Variants in CCBE1 observed in about 807,000 individuals in gnomAD.
The protein encoded by CCBE1 is collagen and calcium-binding EGF domain-containing protein 1.
A neutral mutation model predicts 50.0 loss-of-function variants in CCBE1; 37 were observed. That is an observed-to-expected ratio of 0.74 (90% CI 0.57 to 0.97). The LOEUF (loss-of-function observed/expected upper bound fraction) is 0.97. Among genes scored for constraint, CCBE1 ranks in the 50% least tolerant of loss-of-function variants. CCBE1 has a pLI of 0.00. For synonymous variants in CCBE1, 234 were observed against 203.7 expected (o/e 1.15, Z -1.27); for missense variants, 538 against 523.8 (o/e 1.03, Z -0.26).
intron 7 of CCBE1, among the ~76,000 whole-genome samples, chr18:59,440,566 C>A (rs996609386): frequency 6.6e-6 from 1 of 152,098 alleles, no homozygotes; most frequent in African/African-American, 2.4e-5. Context: ...ATGTAACCCA[C>A]CTACTTTCAA....
chr18:59,634,199 C>T (rs2053888499), intron 2 of CCBE1, among the ~76,000 whole-genome samples: 1 of 152,182 alleles, frequency 6.6e-6, no homozygotes, highest in African/African-American at 2.4e-5. Context: ...CTTAATGAAA[C>T]AATGGCTTTA....
At chr18:59,558,185 A>C (rs573588669) in intron 2 of CCBE1, among the ~76,000 whole-genome samples, 1 of 152,210 alleles carries the variant, frequency 6.6e-6, no homozygotes, top group Non-Finnish European at 1.5e-5. Context: ...AGGGAACATA[A>C]TTTTACACAG....
At chr18:59,577,636 T>A (rs1461762015) in intron 2 of CCBE1, among the ~76,000 whole-genome samples, 1 of 152,218 alleles carries the variant, frequency 6.6e-6, no homozygotes, top group Non-Finnish European at 1.5e-5. Flanking sequence ...GACAAACCGA[T>A]GCCTGTACAT....
intron 2 of CCBE1, among the ~76,000 whole-genome samples, chr18:59,636,199 T>C (rs987659112): frequency 2.0e-5 from 3 of 151,570 alleles, no homozygotes; most frequent in African/African-American, 7.3e-5. Flanking sequence ...ATAAGGCATA[T>C]CTAAAATACA....
At chr18:59,507,569 C>A (rs1308540420) in intron 2 of CCBE1, among the ~76,000 whole-genome samples, 1 of 152,208 alleles carries the variant, frequency 6.6e-6, no homozygotes, top group East Asian at 1.9e-4. Context: ...CTTGTCCAAC[C>A]CACTTCCAGA....
At chr18:59,454,748 T>C in intron 6 of CCBE1, 103 bp downstream of exon 6, 4 of 1,023,328 alleles carry the variant, frequency 3.9e-6, no homozygotes, top group Non-Finnish European at 6.1e-6. Flanking sequence ...ACTGCGTGAA[T>C]GCTCAATGTG....
At chr18:59,511,462 G>A (rs1429322025) in intron 2 of CCBE1, among the ~76,000 whole-genome samples, 1 of 152,210 alleles carries the variant, frequency 6.6e-6, no homozygotes, top group Non-Finnish European at 1.5e-5. Flanking sequence ...CAGTTGGGCT[G>A]AGCCAATCAA....
chr18:59,634,279 GGGCCTTAGCTGTAGACAGAGAAAA>G (rs2053889474), intron 2 of CCBE1, among the ~76,000 whole-genome samples: 1 of 152,198 alleles, frequency 6.6e-6, no homozygotes, highest in Non-Finnish European at 1.5e-5. Flanking sequence ...TTACTCATTT[GGGCCTTAGCTGTAGACAGAGAAAA>G]GGCCTCCCCC....
intron 6 of CCBE1, 23 bp from the exon 7 acceptor site, chr18:59,448,126 C>CAGT (rs754375771): frequency 6.8e-6 from 11 of 1,613,212 alleles, no homozygotes; most frequent in Non-Finnish European, 9.3e-6. Flanking sequence ...GAGGAAGCCT[C>CAGT]AGTCAGGAAG....
At chr18:59,509,311 C>T (rs981410420) in intron 2 of CCBE1, among the ~76,000 whole-genome samples, 1 of 151,924 alleles carries the variant, frequency 6.6e-6, no homozygotes, top group Non-Finnish European at 1.5e-5. Context: ...GAATAAAAAT[C>T]ATATATATAC....
chr18:59,537,822 A>T (rs1915312531), intron 2 of CCBE1, among the ~76,000 whole-genome samples: 1 of 152,172 alleles, frequency 6.6e-6, no homozygotes, highest in African/African-American at 2.4e-5. Context: ...AATCTGGTTC[A>T]CAGCTCCGTC....
chr18:59,449,231 G>T (rs945150163), intron 6 of CCBE1, among the ~76,000 whole-genome samples: 1 of 152,174 alleles, frequency 6.6e-6, no homozygotes, highest in African/African-American at 2.4e-5. Flanking sequence ...AAATGGGGAT[G>T]GTAACGGCCA....
intron 5 of CCBE1, among the ~76,000 whole-genome samples, chr18:59,460,008 T>C (rs555715037): frequency 1.3e-3 from 204 of 152,220 alleles, no homozygotes; most frequent in African/African-American, 4.7e-3. Context: ...AAACAAAAGT[T>C]GAAAAATAAA....
intron 2 of CCBE1, among the ~76,000 whole-genome samples, chr18:59,640,711 A>T (rs924539942): frequency 2.0e-5 from 3 of 152,206 alleles, no homozygotes; most frequent in Non-Finnish European, 4.4e-5. Context: ...AACTTACAAC[A>T]TGGGAGAAAA....
At chr18:59,534,472 C>T (rs12962420) in intron 2 of CCBE1, among the ~76,000 whole-genome samples, 3,478 of 152,338 alleles carry the variant, frequency 0.023, 90 homozygotes, top group East Asian at 0.11. Context: ...ACATAACAAC[C>T]TGCATCTGAA....
Position 59,650,245 on chromosome 18 carries a change from T to C in CCBE1, c.212+46384A>G, listed in dbSNP as rs567353380. On this transcript the variant is annotated intron_variant, in intron 2 of 10. Coordinates refer to ENST00000439986, the MANE Select transcript of CCBE1 (RefSeq NM_133459.4). ...AAACAGATATACAGCACTAAGGCAGTTTCCATTGTCCACCCCTGCCCAGAT... is the reference window on the plus strand; with the variant it reads ...AAACAGATATACAGCACTAAGGCAGCTTCCATTGTCCACCCCTGCCCAGAT... Among the ~76,000 whole-genome samples the C allele has an allele frequency of 5.2e-4, 79 of 151,572 alleles. 1 individual carries two copies. The South Asian group carries it at 0.016, about 31-fold the overall frequency.
intron 4 of CCBE1, among the ~76,000 whole-genome samples, chr18:59,469,028 G>T (rs1447602663): frequency 3.3e-5 from 5 of 152,156 alleles, no homozygotes; most frequent in Non-Finnish European, 4.4e-5. Context: ...GGATGGTGCA[G>T]GCTCTGCTCA....
At chr18:59,563,125 CCCAGAA>C (rs1366643624) in intron 2 of CCBE1, among the ~76,000 whole-genome samples, 4 of 152,272 alleles carry the variant, frequency 2.6e-5, no homozygotes, top group African/African-American at 9.6e-5. Flanking sequence ...GGGTGAGCTG[CCCAGAA>C]CATCAAATGG....
Position 59,507,979 on chromosome 18 carries a change from C to T in CCBE1, c.213-27741G>A, listed in dbSNP as rs138931330. Among the ~76,000 whole-genome samples the T allele has an allele frequency of 4.2e-3, 644 of 151,962 alleles. 4 individuals are homozygous for T. The highest frequency in any genetic ancestry group is 0.015 in the African/African-American group (617 of 41,416). On this transcript the variant is annotated intron_variant, in intron 2 of 10. Transcript: ENST00000439986. ...GATCTCACCTCACTGCAACCTTCGC[C>T]TCCCGGGTTCAAGTGATTCCCCTGC...
Sources: allele counts gnomAD v4.1 joint callset (sites outside exome capture counted in the v4.1 genomes callset), GRCh38; gene constraint gnomAD v4.1.1; transcripts MANE v1.5; gene names NCBI Gene and HGNC (gene_info 2026-07-23, HGNC 2026-07-21).